Variants in PDCD6IP observed in about 807,000 individuals in gnomAD.
The protein encoded by PDCD6IP is programmed cell death 6 interacting protein.
PDCD6IP carries 43 observed loss-of-function variants against 103.7 expected under a neutral mutation model. The ratio of observed to expected loss-of-function variants is 0.41; its 90% confidence interval spans 0.32 to 0.53. PDCD6IP has a LOEUF of 0.53. PDCD6IP is among the 20% of genes least tolerant of loss of function. The pLI is 0.16. For synonymous variants in PDCD6IP, 354 were observed against 378.7 expected (o/e 0.93, Z 0.76); for missense variants, 871 against 1,036.7 (o/e 0.84, Z 2.20).
chr3:33,848,250 A>G (rs908212674), intron 12 of PDCD6IP, among the ~76,000 whole-genome samples: 5 of 152,220 alleles, frequency 3.3e-5, no homozygotes, highest in African/African-American at 1.2e-4. Context: ...TAACATAAAG[A>G]GACAAAAAAC....
chr3:33,828,625 T>TA (rs1234098689), intron 6 of PDCD6IP: 41 of 316,516 alleles, frequency 1.3e-4, no homozygotes, highest in Middle Eastern at 8.3e-4. Context: ...AGTTAACAGT[T>TA]AAAAAAAACC....
intron 7 of PDCD6IP, among the ~76,000 whole-genome samples, chr3:33,831,647 T>C (rs1697247313): frequency 6.6e-6 from 1 of 152,162 alleles, no homozygotes. Context: ...TTCCTGTTCC[T>C]CTTTTTCCCT....
chr3:33,834,133 T>C (rs1697297405), intron 7 of PDCD6IP, among the ~76,000 whole-genome samples: 1 of 152,186 alleles, frequency 6.6e-6, no homozygotes, highest in Non-Finnish European at 1.5e-5. Flanking sequence ...TCTTTTTAGT[T>C]AATCTGTCTA....
chr3:33,841,460 A>T, intron 9 of PDCD6IP, among the ~76,000 whole-genome samples: 2 of 70,080 alleles, frequency 2.9e-5, no homozygotes, highest in East Asian at 5.0e-4. Flanking sequence ...TTTTTTTGAG[A>T]CGGAGTTTCG....
intron 6 of PDCD6IP, chr3:33,826,878 G>T: frequency 8.7e-7 from 1 of 1,151,544 alleles, no homozygotes; most frequent in African/African-American, 1.6e-5. Context: ...AAGGCATTGT[G>T]TAGTTCTGAA....
rs769744748 is a variant in PDCD6IP, at chr3:33,798,692, G to T, written c.-37G>T. ...TCCTCGGCCCTCGTAAGCTGTCCGC[G>T]GTCTGTTTGGCCCGAACGGCGGCGG... On this transcript the variant is annotated 5_prime_UTR_variant, in exon 1 of 18. Transcript: ENST00000307296. The T allele has an allele frequency of 2.6e-5, 39 of 1,500,724 alleles. No homozygotes were observed. Among genetic ancestry groups the T allele is most frequent in the Admixed American group, 8.5e-5 (4 of 47,320 alleles). 93.0% of individuals were successfully genotyped at this position (1,500,724 alleles called of 1,614,324 possible). A position where few individuals can be genotyped will look rare whatever the true frequency, so the allele number is the denominator to read the frequency against.
chr3:33,824,775 G>C (rs1335950679), intron 4 of PDCD6IP, among the ~76,000 whole-genome samples: 1 of 152,118 alleles, frequency 6.6e-6, no homozygotes, highest in Non-Finnish European at 1.5e-5. Flanking sequence ...TACTACCTGG[G>C]GTGTCCCCTA....
intron 15 of PDCD6IP, among the ~76,000 whole-genome samples, chr3:33,862,364 CA>C (rs908024631): frequency 1.3e-5 from 2 of 151,622 alleles, no homozygotes; most frequent in African/African-American, 4.8e-5. Context: ...TAAATCAGGG[CA>C]AAAGGTACTG....
chr3:33,815,682 GAAGAGT>G (rs918719401), intron 3 of PDCD6IP, among the ~76,000 whole-genome samples: 2 of 152,178 alleles, frequency 1.3e-5, no homozygotes, highest in African/African-American at 4.8e-5. Flanking sequence ...CAGTCAGAAG[GAAGAGT>G]AAGAGTTGAG....
Position 33,829,498 on chromosome 3 carries a change from T to C in PDCD6IP, c.834+529T>C, listed in dbSNP as rs147299687. ...AGATGTGTGTGCATATATATATATA[T>C]ACACACATATATCTCTTGTGAACAG... On this transcript the variant is annotated intron_variant, in intron 7 of 17. Transcript: ENST00000307296. 6.9e-3 allele frequency among the ~76,000 whole-genome samples: 1,043 copies of C among 152,120 alleles called. 6 individuals are homozygous for C. Among genetic ancestry groups the C allele is most frequent in the African/African-American group, 8.6e-3 (358 of 41,504 alleles).
intron 3 of PDCD6IP, among the ~76,000 whole-genome samples, chr3:33,815,543 C>G (rs1233868231): frequency 6.6e-6 from 1 of 151,962 alleles, no homozygotes; most frequent in Non-Finnish European, 1.5e-5. Flanking sequence ...ACTCCCGGGA[C>G]TAGAGAGAAA....
At chr3:33,866,024 A>G (rs1698055435) in intron 17 of PDCD6IP, among the ~76,000 whole-genome samples, 1 of 152,206 alleles carries the variant, frequency 6.6e-6, no homozygotes, top group Non-Finnish European at 1.5e-5. Context: ...TGGAAGAGGA[A>G]TGTATTTAGA....
chr3:33,825,398 A>C, intron 5 of PDCD6IP, 58 bp downstream of exon 5: 4 of 1,395,974 alleles, frequency 2.9e-6, no homozygotes, highest in Non-Finnish European at 3.9e-6. Context: ...CTTTTAAATT[A>C]AGAAAGTGAT....
At chr3:33,848,019 A>G (rs1697631574) in intron 12 of PDCD6IP, among the ~76,000 whole-genome samples, 1 of 152,166 alleles carries the variant, frequency 6.6e-6, no homozygotes, top group South Asian at 2.1e-4. Flanking sequence ...GGTAGAGCAT[A>G]AAGAGAATTG....
rs368751814 is a variant in PDCD6IP, at chr3:33,812,154, A to T, written c.264+28A>T. 15 of 1,592,052 alleles carry T rather than the reference A, an allele frequency of 9.4e-6. No individual in the cohort carries two copies. In the African/African-American group the frequency reaches 1.9e-4, roughly 20 times the overall value. On this transcript the variant is annotated intron_variant, in intron 2 of 17. Coordinates refer to ENST00000307296, the MANE Select transcript of PDCD6IP (RefSeq NM_013374.6). ...AAGTCATTAATTCTGTCTTAAAATT[A>T]TATGGTAATAGCACCCATTTCCTTC...
At chr3:33,849,958 G>A (rs1697678106) in intron 12 of PDCD6IP, among the ~76,000 whole-genome samples, 1 of 151,978 alleles carries the variant, frequency 6.6e-6, no homozygotes, top group Non-Finnish European at 1.5e-5. Flanking sequence ...TAGAATTATT[G>A]CATTTTTGAA....
chr3:33,822,623 T>C (rs900336587), intron 4 of PDCD6IP, among the ~76,000 whole-genome samples: 1 of 152,156 alleles, frequency 6.6e-6, no homozygotes, highest in African/African-American at 2.4e-5. Flanking sequence ...TTTACTAATA[T>C]GGCATGTTAT....
intron 15 of PDCD6IP, among the ~76,000 whole-genome samples, chr3:33,859,291 C>G (rs1697897875): frequency 6.6e-6 from 1 of 151,740 alleles, no homozygotes. Flanking sequence ...GAGGAGAATT[C>G]CGTAATAAAG....
intron 1 of PDCD6IP, chr3:33,811,179 C>A: frequency 3.5e-6 from 1 of 284,466 alleles, no homozygotes; most frequent in South Asian, 2.9e-5. Context: ...TCTGCTGTGC[C>A]TGGCCCTTTC....
Sources: gnomAD v4.1 joint callset for allele counts (sites outside exome capture counted in the v4.1 genomes callset) on GRCh38, gnomAD v4.1.1 for gene constraint, MANE v1.5 for transcripts, NCBI Gene and HGNC (gene_info 2026-07-23, HGNC 2026-07-21) for gene names.